The following GAP43 variants were observed in gnomAD, a reference collection of about 807,000 sequenced individuals.
GAP43 encodes neuromodulin.
Under a neutral mutation model 18.6 loss-of-function variants are expected in GAP43, and 6 were observed. The observed-to-expected ratio is 0.32, with a 90% CI of 0.18 to 0.64. The LOEUF (loss-of-function observed/expected upper bound fraction) is 0.64. GAP43 is among the 30% of genes least tolerant of loss of function. The probability of loss-of-function intolerance (pLI) is 0.78; values close to 1 mark genes in which losing one functional copy is unlikely to be tolerated. For synonymous variants in GAP43, 115 were observed against 111.4 expected (o/e 1.03, Z -0.20); for missense variants, 292 against 295.5 (o/e 0.99, Z 0.09).
chr3:115,638,292 A>T (rs1708354960), intron 1 of GAP43, among the ~76,000 whole-genome samples: 1 of 152,082 alleles, frequency 6.6e-6, no homozygotes, highest in Admixed American at 6.6e-5. Context: ...TACATTATCC[A>T]GGCTTTGCCT....
intron 1 of GAP43, among the ~76,000 whole-genome samples, chr3:115,656,559 C>A (rs560367972): frequency 5.3e-5 from 8 of 152,218 alleles, no homozygotes; most frequent in Admixed American, 5.2e-4. Flanking sequence ...ACTTTTTCTG[C>A]TAATCTGAAA....
Position 115,644,585 on chromosome 3 carries a change from A to G in GAP43, c.30+20866A>G, listed in dbSNP as rs1708435785. On this transcript the variant is annotated intron_variant, in intron 1 of 2. Coordinates refer to ENST00000305124, the MANE Select transcript of GAP43 (RefSeq NM_002045.4). The surrounding 1 kb of genome is among the most constrained non-coding windows in gnomAD (Gnocchi z 4.2). ...TAGAAAAGATTTAAGTTTCAAGGCA[A>G]AAAGAAAAATCCTTTATGGTTACTG... is the stretch of plus-strand genomic sequence containing the variant. Among the ~76,000 whole-genome samples, 1 of 152,108 alleles carries G rather than the reference A, an allele frequency of 6.6e-6. No individual in the cohort carries two copies. The highest frequency in any genetic ancestry group is 6.6e-5 in the Admixed American group (1 of 15,244).
chr3:115,687,634 C>T (rs3772929), intron 2 of GAP43, among the ~76,000 whole-genome samples: 39,324 of 152,012 alleles, frequency 0.26, 5,543 homozygotes, highest in Non-Finnish European at 0.31. Flanking sequence ...CTGGGAATTG[C>T]GGTTGTTTTG....
chr3:115,641,025 G>A (rs1197997439), intron 1 of GAP43, among the ~76,000 whole-genome samples: 1 of 49,008 alleles, frequency 2.0e-5, no homozygotes, highest in Admixed American at 2.5e-4. Flanking sequence ...GCTTTATTCT[G>A]TTTTTTTTTT....
chr3:115,694,496 A>G (rs1440466740), intron 2 of GAP43, among the ~76,000 whole-genome samples: 1 of 152,264 alleles, frequency 6.6e-6, no homozygotes, highest in African/African-American at 2.4e-5. Context: ...TGATGATCAA[A>G]ATACAGATAA....
At chr3:115,648,706 G>A (rs116201093) in intron 1 of GAP43, among the ~76,000 whole-genome samples, 3 of 152,166 alleles carry the variant, frequency 2.0e-5, no homozygotes, top group Non-Finnish European at 2.9e-5. Context: ...CATTAGTTGA[G>A]GAAGGGTTAG....
chr3:115,653,849 T>A (rs1559792829), intron 1 of GAP43, among the ~76,000 whole-genome samples: 2 of 152,200 alleles, frequency 1.3e-5, no homozygotes, highest in Non-Finnish European at 2.9e-5. Flanking sequence ...TCATATTTAA[T>A]GAATTTTCCT....
Position 115,623,720 on chromosome 3 carries a change from G to T in GAP43, c.30+1G>T. On this transcript the variant is annotated splice_donor_variant, in intron 1 of 2. Transcript: ENST00000305124. LOFTEE classifies it high-confidence loss of function. The stretch of plus-strand genomic sequence containing the variant: ...GTGCTGTATGAGAAGAACCAAACAG[G>T]TAGAGCTAAAGATTTTTTACTTCTT... The T allele has an allele frequency of 1.2e-6, 2 of 1,614,166 alleles. No individual in the cohort carries two copies. Among genetic ancestry groups the T allele is most frequent in the Non-Finnish European group, 1.7e-6 (2 of 1,179,974 alleles).
chr3:115,666,743 G>A (rs190141398), intron 1 of GAP43, among the ~76,000 whole-genome samples: 211 of 152,198 alleles, frequency 1.4e-3, no homozygotes, highest in African/African-American at 4.7e-3. Flanking sequence ...GTCTAACTCC[G>A]CAGCCCATGC....
chr3:115,695,766 T>C (rs922760027), intron 2 of GAP43, among the ~76,000 whole-genome samples: 3 of 152,146 alleles, frequency 2.0e-5, no homozygotes, highest in Non-Finnish European at 4.4e-5. Flanking sequence ...GAAACAACTT[T>C]AGCCAAACTC....
chr3:115,675,971 T>A (rs1404870103), intron 1 of GAP43, 42 bp from the exon 2 acceptor site: 3 of 1,547,650 alleles, frequency 1.9e-6, no homozygotes, highest in Non-Finnish European at 2.6e-6. Flanking sequence ...AGGAGAAGAA[T>A]GTCATTGAAG....
At chr3:115,698,278 T>TAA (rs1316074850) in intron 2 of GAP43, among the ~76,000 whole-genome samples, 2 of 3,466 alleles carry the variant, frequency 5.8e-4, no homozygotes, top group African/African-American at 1.1e-3. Context: ...ATATATTATA[T>TAA]ATAAATATAA....
At chr3:115,653,542 G>T (rs1708546387) in intron 1 of GAP43, among the ~76,000 whole-genome samples, 1 of 152,004 alleles carries the variant, frequency 6.6e-6, no homozygotes, top group Non-Finnish European at 1.5e-5. Flanking sequence ...TGTGTGGCGG[G>T]GTGAAATACC....
At chr3:115,684,051 T>C (rs530911896) in intron 2 of GAP43, among the ~76,000 whole-genome samples, 5 of 152,212 alleles carry the variant, frequency 3.3e-5, no homozygotes, top group Non-Finnish European at 5.9e-5. Flanking sequence ...AGTTTGATCA[T>C]CTCACACCAT....
At chr3:115,684,244 T>A (rs1013689484) in intron 2 of GAP43, among the ~76,000 whole-genome samples, 1 of 152,132 alleles carries the variant, frequency 6.6e-6, no homozygotes, top group Admixed American at 6.5e-5. Flanking sequence ...TTTTCCAGTA[T>A]GAGTTAGTAG....
chr3:115,648,670 G>C (rs1708488435), intron 1 of GAP43, among the ~76,000 whole-genome samples: 1 of 152,120 alleles, frequency 6.6e-6, no homozygotes, highest in South Asian at 2.1e-4. Context: ...CTCAAAGGCT[G>C]ATTGAGAGCT....
rs909738210 is a variant in GAP43 at position 115,719,859 on chromosome 3, G to C, written c.629-935G>C. On this transcript the variant is annotated intron_variant, in intron 2 of 2. Transcript: ENST00000305124. Reference sequence around the variant, plus strand: ...CAACACAAGTTGTTTCAGAGCAAATGAATTCTTTTTCCACAAGCTAGCATA... The same window carrying C: ...CAACACAAGTTGTTTCAGAGCAAATCAATTCTTTTTCCACAAGCTAGCATA... Among the ~76,000 whole-genome samples, 4 of 152,180 alleles carry C rather than the reference G, an allele frequency of 2.6e-5. 1 individual carries two copies. The highest frequency in any genetic ancestry group is 2.6e-4 in the Admixed American group (4 of 15,266).
intron 1 of GAP43, among the ~76,000 whole-genome samples, chr3:115,674,780 T>A (rs956207221): frequency 6.6e-6 from 1 of 152,180 alleles, no homozygotes; most frequent in Non-Finnish European, 1.5e-5. Context: ...TGACCAGCAT[T>A]GTTAAGTTGT....
chr3:115,714,761 T>C (rs1015163294), intron 2 of GAP43, among the ~76,000 whole-genome samples: 2 of 151,830 alleles, frequency 1.3e-5, no homozygotes, highest in Non-Finnish European at 2.9e-5. Flanking sequence ...TTTGGGGGAT[T>C]GATTTTGCCC....
Sources: allele counts gnomAD v4.1 joint callset (sites outside exome capture counted in the v4.1 genomes callset), GRCh38; gene constraint gnomAD v4.1.1; non-coding constraint Gnocchi (gnomAD v3.1); transcripts MANE v1.5; gene names NCBI Gene and HGNC (gene_info 2026-07-23, HGNC 2026-07-21).